The following SLC30A4 variants were observed in gnomAD, a reference collection of about 807,000 sequenced individuals.
SLC30A4 encodes probable proton-coupled zinc antiporter SLC30A4.
A neutral mutation model predicts 41.7 loss-of-function variants in SLC30A4; 20 were observed. The ratio of observed to expected loss-of-function variants is 0.48; its 90% confidence interval spans 0.34 to 0.70. SLC30A4 has a LOEUF of 0.70. Among genes scored for constraint, SLC30A4 ranks in the 30% least tolerant of loss-of-function variants. SLC30A4 has a pLI of 0.01. For synonymous variants in SLC30A4, 181 were observed against 195.9 expected, an observed-to-expected ratio of 0.92 and a Z score of 0.64; for missense variants, 441 against 529.3, an observed-to-expected ratio of 0.83 and a Z score of 1.64.
chr15:45,508,350 G>A (rs968307067), intron 3 of SLC30A4, among the ~76,000 whole-genome samples: 5 of 152,124 alleles, frequency 3.3e-5, no homozygotes, highest in African/African-American at 1.2e-4. Context: ...GGAAAGTGTA[G>A]GCTGCCTGAG....
Position 45,485,155 on chromosome 15 carries a change from A to G in SLC30A4, c.*8T>C, listed in dbSNP as rs1342615063. ...TAAATAAGGCAGGAGTTCCCAAAATACATAAAATTAGGGACTAGAACTCTG... is the reference window on the plus strand; with the variant it reads ...TAAATAAGGCAGGAGTTCCCAAAATGCATAAAATTAGGGACTAGAACTCTG... On this transcript the variant is annotated 3_prime_UTR_variant, in exon 8 of 8. Transcript: ENST00000261867. 2 of 1,606,912 alleles carry G rather than the reference A, an allele frequency of 1.2e-6. No individual in the cohort carries two copies. Among genetic ancestry groups the G allele is most frequent in the Non-Finnish European group, 1.7e-6 (2 of 1,177,382 alleles).
intron 2 of SLC30A4, among the ~76,000 whole-genome samples, chr15:45,520,072 C>A (rs1892617495): frequency 6.6e-6 from 1 of 151,980 alleles, no homozygotes; most frequent in Admixed American, 6.6e-5. Flanking sequence ...GTTCTAGGTG[C>A]TAGGAATTCA....
At chr15:45,505,675 C>T (rs1892141584) in intron 3 of SLC30A4, among the ~76,000 whole-genome samples, 1 of 152,050 alleles carries the variant, frequency 6.6e-6, no homozygotes, top group African/African-American at 2.4e-5. Context: ...GCCTCCAGGT[C>T]TAGAGTTGAG....
rs1566872724 is a variant in SLC30A4 at position 45,481,014 on chromosome 15, A to G, written c.*4149T>C. ...TTGTCTCTGAAAGATGATTTTCCTC[A>G]CATTAAAATGAGAGAGAAGCTCACG... On this transcript the variant is annotated 3_prime_UTR_variant, in exon 8 of 8. Coordinates refer to ENST00000261867, the MANE Select transcript of SLC30A4 (RefSeq NM_013309.6). 6.6e-6 allele frequency: 1 copy of G among 152,246 alleles called. No homozygotes were observed. The highest frequency in any genetic ancestry group is 1.5e-5 in the Non-Finnish European group (1 of 68,048). 9.4% of individuals were successfully genotyped at this position (152,246 alleles called of 1,614,324 possible).
intron 2 of SLC30A4, among the ~76,000 whole-genome samples, chr15:45,518,417 A>G (rs190453703): frequency 1.5e-4 from 23 of 152,348 alleles, no homozygotes; most frequent in Admixed American, 1.4e-3. Context: ...GTACATTCAG[A>G]ACATGTAGCA....
At chr15:45,506,715 AAAG>A (rs1215765688) in intron 3 of SLC30A4, among the ~76,000 whole-genome samples, 5 of 152,238 alleles carry the variant, frequency 3.3e-5, no homozygotes, top group African/African-American at 4.8e-5. Context: ...ACAACAAAAA[AAAG>A]AAGATCCCAA....
chr15:45,504,265 A>G (rs1892102729), intron 3 of SLC30A4, among the ~76,000 whole-genome samples: 1 of 152,208 alleles, frequency 6.6e-6, no homozygotes, highest in African/African-American at 2.4e-5. Context: ...AATTTCTTTT[A>G]TTTCTACCTT....
chr15:45,501,113 C>T (rs1352567780), intron 3 of SLC30A4, among the ~76,000 whole-genome samples: 1 of 151,488 alleles, frequency 6.6e-6, no homozygotes, highest in Non-Finnish European at 1.5e-5. Flanking sequence ...CGAGACCATC[C>T]TGGCTAACAT....
Position 45,485,179 on chromosome 15 carries a change from T to C in SLC30A4, c.1274A>G (p.Gln425Arg), listed in dbSNP as rs770492123. ...TACATAAAATTAGGGACTAGAACTC[T>C]GACAATTTGCACAAGTTCTGTCCAC... ...QEVDRTCANC[Q>R]SSSP Residue 425 changes from glutamine to arginine, a missense_variant, in exon 8 of 8, where the codon CAG (glutamine) becomes CGG (arginine). Around this residue, in one of 3 missense-constraint regions of SLC30A4, gnomAD observed 100 missense variants for 121.0 expected, o/e 0.83. Transcript: ENST00000261867. 1.9e-6 allele frequency: 3 copies of C among 1,612,408 alleles called. No homozygotes were observed. The African/African-American group carries it at 4.0e-5, about 22-fold the overall frequency.
At chr15:45,513,189 T>C (rs1197938185) in intron 2 of SLC30A4, among the ~76,000 whole-genome samples, 2 of 150,892 alleles carry the variant, frequency 1.3e-5, no homozygotes, top group Non-Finnish European at 3.0e-5. Flanking sequence ...CTAAGGAATT[T>C]AATTAATTAA....
chr15:45,488,255 A>C (rs181670108), intron 5 of SLC30A4, among the ~76,000 whole-genome samples: 10 of 152,294 alleles, frequency 6.6e-5, no homozygotes, highest in Admixed American at 5.9e-4. Context: ...TTTACTACCT[A>C]GTAATTCAAT....
intron 7 of SLC30A4, among the ~76,000 whole-genome samples, chr15:45,486,100 G>T (rs1891699191): frequency 6.6e-6 from 1 of 151,464 alleles, no homozygotes; most frequent in Non-Finnish European, 1.5e-5. Flanking sequence ...TCGGCTCACT[G>T]CAACCTCCGC....
intron 3 of SLC30A4, among the ~76,000 whole-genome samples, chr15:45,510,635 T>G (rs948533414): frequency 6.6e-6 from 1 of 152,228 alleles, no homozygotes; most frequent in Non-Finnish European, 1.5e-5. Flanking sequence ...CTCTTTATAA[T>G]TAAACATTAA....
At chr15:45,501,655 C>A (rs1438955358) in intron 3 of SLC30A4, among the ~76,000 whole-genome samples, 1 of 151,936 alleles carries the variant, frequency 6.6e-6, no homozygotes, top group Non-Finnish European at 1.5e-5. Flanking sequence ...TGCATGCCAC[C>A]ATGGCTGGCT....
At chr15:45,504,401 C>T (rs749412532) in intron 3 of SLC30A4, among the ~76,000 whole-genome samples, 2 of 152,114 alleles carry the variant, frequency 1.3e-5, no homozygotes, top group Non-Finnish European at 2.9e-5. Flanking sequence ...TAAGTAGAGA[C>T]GGACAAGAAC....
chr15:45,489,874 A>AT (rs1054818065), intron 4 of SLC30A4, among the ~76,000 whole-genome samples: 165 of 149,420 alleles, frequency 1.1e-3, no homozygotes, highest in African/African-American at 2.9e-3. Flanking sequence ...TGGCTCACTG[A>AT]TTTTTTTTTT....
chr15:45,501,294 C>T (rs149320010), intron 3 of SLC30A4, among the ~76,000 whole-genome samples: 59 of 151,500 alleles, frequency 3.9e-4, no homozygotes, highest in East Asian at 1.8e-3. Context: ...GGCAACAGAG[C>T]GAAACTCCAT....
rs1566881172 is a variant in SLC30A4, at chr15:45,511,297, AG to A, written c.392-14del. ...GCAATGTATCCACCTTAGAGTTACAAGTAGGAGAAAAAAGGAACAAGTTAAT... is the reference window on the plus strand; with the variant it reads ...GCAATGTATCCACCTTAGAGTTACAATAGGAGAAAAAAGGAACAAGTTAAT... On this transcript the variant is annotated splice_polypyrimidine_tract_variant and intron_variant, in intron 2 of 7. Coordinates refer to ENST00000261867, the MANE Select transcript of SLC30A4 (RefSeq NM_013309.6). 6.6e-7 allele frequency: 1 copy of A among 1,510,784 alleles called. No homozygotes were observed. Among genetic ancestry groups the A allele is most frequent in the Admixed American group, 2.2e-5 (1 of 45,862 alleles). The allele number at this position is 1,510,784 out of a possible 1,614,324, so 93.6% of individuals were successfully genotyped here.
intron 2 of SLC30A4, chr15:45,519,564 T>C (rs1378949903): frequency 6.6e-6 from 1 of 152,232 alleles, no homozygotes; most frequent in Non-Finnish European, 1.5e-5. Flanking sequence ...CTATATAACA[T>C]TTTGAATAAT....
Sources: allele counts gnomAD v4.1 joint callset (sites outside exome capture counted in the v4.1 genomes callset), GRCh38; gene constraint gnomAD v4.1.1; regional missense constraint gnomAD v4.1.1; transcripts MANE v1.5; gene names NCBI Gene and HGNC (gene_info 2026-07-23, HGNC 2026-07-21).